Variants in EDA observed in about 807,000 individuals in gnomAD.
The protein encoded by EDA is ectodysplasin-A.
A neutral mutation model predicts 23.6 loss-of-function variants in EDA; 2 were observed. That is an observed-to-expected ratio of 0.08 (90% confidence interval 0.03 to 0.27). The LOEUF (loss-of-function observed/expected upper bound fraction) is 0.27. Among genes scored for constraint, EDA ranks in the 10% least tolerant of loss-of-function variants. The pLI is 1.00. For missense variants in EDA, 229 were observed against 324.2 expected (o/e 0.71, Z 2.26); for synonymous variants, 131 against 132.0 (o/e 0.99, Z 0.05).
Position 70,031,399 on chromosome X carries a change from T to C in EDA, c.793+879T>C, listed in dbSNP as rs993039790. On this transcript the variant is annotated intron_variant, in intron 6 of 7. Coordinates refer to ENST00000374552, the MANE Select transcript of EDA (RefSeq NM_001399.5). ...TTCTTCCCCCAAAGAAACATGAACATTCATGAAAGAACAGCACTTTGGAAT... is the reference window on the plus strand; with the variant it reads ...TTCTTCCCCCAAAGAAACATGAACACTCATGAAAGAACAGCACTTTGGAAT... Among the ~76,000 whole-genome samples, 3 of 111,757 alleles carry C rather than the reference T, an allele frequency of 2.7e-5. No individual in the cohort carries two copies. In the South Asian group the frequency reaches 1.1e-3, roughly 42 times the overall value.
chrX:70,024,317 G>A (rs1291904088), intron 3 of EDA, among the ~76,000 whole-genome samples: 1 of 112,010 alleles, frequency 8.9e-6, no homozygotes, highest in Admixed American at 9.4e-5. Context: ...ACATGGAAAA[G>A]TTGTGTGCCT....
chrX:70,013,184 G>A (rs2019899889), intron 2 of EDA, among the ~76,000 whole-genome samples: 1 of 111,908 alleles, frequency 8.9e-6, no homozygotes, highest in Non-Finnish European at 1.9e-5. Context: ...AAATCCCAGA[G>A]ACAACCTACA....
intron 2 of EDA, among the ~76,000 whole-genome samples, chrX:69,960,878 G>A (rs2019089936): frequency 1.8e-5 from 2 of 108,297 alleles, no homozygotes; most frequent in South Asian, 8.3e-4. Context: ...AAATAGCGGG[G>A]CACTGTGGCA....
chrX:69,725,650 C>G (rs1468395511), intron 1 of EDA, among the ~76,000 whole-genome samples: 1 of 112,299 alleles, frequency 8.9e-6, no homozygotes, highest in African/African-American at 3.2e-5. Context: ...TGACACATAG[C>G]ATGTGCTCAG....
At chrX:70,014,567 G>A (rs1288422464) in intron 2 of EDA, among the ~76,000 whole-genome samples, 2 of 112,131 alleles carry the variant, frequency 1.8e-5, no homozygotes, top group Non-Finnish European at 3.8e-5. Flanking sequence ...TATCCAGCAA[G>A]AGTTCTTAGC....
chrX:70,003,203 T>C (rs1182642357), intron 2 of EDA, among the ~76,000 whole-genome samples: 2 of 111,256 alleles, frequency 1.8e-5, no homozygotes, highest in Non-Finnish European at 3.8e-5. Flanking sequence ...AGCAAATAAG[T>C]CATAGAGCTG....
chrX:69,876,276 C>CAT (rs3056298), intron 1 of EDA, among the ~76,000 whole-genome samples: 21,602 of 108,453 alleles, frequency 0.2, 1,697 homozygotes, highest in Non-Finnish European at 0.24. Context: ...GAAACTGTGG[C>CAT]ATATATATAT....
intron 1 of EDA, among the ~76,000 whole-genome samples, chrX:69,648,651 G>A (rs1932999086): frequency 8.9e-6 from 1 of 112,076 alleles, no homozygotes; most frequent in Non-Finnish European, 1.9e-5. Context: ...GCCTTTGGCT[G>A]GCTTGAATTC....
intron 1 of EDA, among the ~76,000 whole-genome samples, chrX:69,867,799 A>G (rs1002346423): frequency 8.9e-6 from 1 of 111,923 alleles, no homozygotes; most frequent in African/African-American, 3.2e-5. Flanking sequence ...AGTGGAGACC[A>G]TGGGCATTTG....
intron 1 of EDA, among the ~76,000 whole-genome samples, chrX:69,833,478 G>A (rs761239193): frequency 1.9e-5 from 2 of 103,775 alleles, no homozygotes; most frequent in East Asian, 6.2e-4. Context: ...ATGTTCATCA[G>A]GGATATTGGT....
chrX:69,849,872 G>T, intron 1 of EDA, among the ~76,000 whole-genome samples: 1 of 112,145 alleles, frequency 8.9e-6, no homozygotes, highest in East Asian at 2.8e-4. Context: ...GACAGAGGAT[G>T]TTGCAATGCT....
chrX:69,639,971 G>A (rs758937767), intron 1 of EDA, among the ~76,000 whole-genome samples: 5 of 111,781 alleles, frequency 4.5e-5, no homozygotes, highest in East Asian at 2.8e-4. Flanking sequence ...TCTTTTATAC[G>A]TAGATATCCA....
chrX:69,879,523 T>C (rs969551936), intron 1 of EDA, among the ~76,000 whole-genome samples: 1 of 111,846 alleles, frequency 8.9e-6, no homozygotes, highest in African/African-American at 3.3e-5. Flanking sequence ...CCCTCAGTTT[T>C]AGGCAACTAC....
At chrX:69,971,004 T>C (rs2019240070) in intron 2 of EDA, among the ~76,000 whole-genome samples, 2 of 112,278 alleles carry the variant, frequency 1.8e-5, no homozygotes, top group South Asian at 7.3e-4. Context: ...TTCTAAAGAA[T>C]TGAATAACAA....
chrX:69,712,850 C>G (rs182613197), intron 1 of EDA, among the ~76,000 whole-genome samples: 1,821 of 110,863 alleles, frequency 0.016, 33 homozygotes, highest in African/African-American at 0.058. Flanking sequence ...AGGAAATGTG[C>G]CACATATACA....
intron 1 of EDA, among the ~76,000 whole-genome samples, chrX:69,811,135 A>C (rs757099834): frequency 8.9e-6 from 1 of 112,064 alleles, no homozygotes; most frequent in Non-Finnish European, 1.9e-5. Flanking sequence ...TCAACTAACC[A>C]ATGGGCCCAT....
chrX:69,856,254 GGTGTGTGTGTGTGT>G (rs202079519), intron 1 of EDA, among the ~76,000 whole-genome samples: 11 of 74,951 alleles, frequency 1.5e-4, no homozygotes, highest in East Asian at 4.0e-4. Context: ...AGTATTCCAT[GGTGTGTGTGTGTGT>G]GTGTGTGTGT....
At chrX:69,877,943 A>G (rs1251305940) in intron 1 of EDA, among the ~76,000 whole-genome samples, 1 of 112,481 alleles carries the variant, frequency 8.9e-6, no homozygotes, top group Non-Finnish European at 1.9e-5. Flanking sequence ...AATTACTTTG[A>G]CATCTTTGTC....
rs2019613930 is a variant in EDA, at chrX:69,993,192, A to C, written c.503-30026A>C. ...CAAAAATAAATAAATAATATAAAAA[A>C]GTAAAATAATAAATAAAATAAAATA... is the stretch of plus-strand genomic sequence containing the variant. On this transcript the variant is annotated intron_variant, in intron 2 of 7. Coordinates refer to ENST00000374552, the MANE Select transcript of EDA (RefSeq NM_001399.5). Among the ~76,000 whole-genome samples, 4 of 110,235 alleles carry C rather than the reference A, an allele frequency of 3.6e-5. No individual in the cohort carries two copies. The South Asian group carries it at 1.5e-3, about 41-fold the overall frequency.
Sources: allele counts gnomAD v4.1 joint callset (sites outside exome capture counted in the v4.1 genomes callset), GRCh38; gene constraint gnomAD v4.1.1; transcripts MANE v1.5; gene names NCBI Gene and HGNC (gene_info 2026-07-23, HGNC 2026-07-21).